Variants in PKNOX2 observed in about 807,000 individuals in gnomAD.
PKNOX2 encodes the protein homeobox protein PKNOX2.
In PKNOX2, 14 loss-of-function variants were observed where a neutral mutation model predicts 53.1. That is an observed-to-expected ratio of 0.26 (90% CI 0.17 to 0.41). The LOEUF (loss-of-function observed/expected upper bound fraction) is 0.41. PKNOX2 is among the 10% of genes least tolerant of loss of function. The pLI, the probability that PKNOX2 is intolerant of heterozygous loss-of-function variation, is 1.00. For missense variants in PKNOX2, 496 were observed against 602.8 expected, an observed-to-expected ratio of 0.82 and a Z score of 1.85; for synonymous variants, 257 against 242.8, an observed-to-expected ratio of 1.06 and a Z score of -0.54.
chr11:125,275,934 T>G (rs185445102), intron 2 of PKNOX2, among the ~76,000 whole-genome samples: 2 of 151,850 alleles, frequency 1.3e-5, no homozygotes, highest in Admixed American at 6.6e-5. Flanking sequence ...AAAGATCACA[T>G]AGGGAGAGAG....
chr11:125,378,539 C>G (rs923447238), intron 5 of PKNOX2, among the ~76,000 whole-genome samples: 2 of 152,192 alleles, frequency 1.3e-5, no homozygotes, highest in African/African-American at 4.8e-5. Flanking sequence ...CTCTTCCCAC[C>G]CCCAAGAGGG....
At chr11:125,429,394 A>G (rs1956585112) in intron 11 of PKNOX2, among the ~76,000 whole-genome samples, 1 of 152,206 alleles carries the variant, frequency 6.6e-6, no homozygotes, top group African/African-American at 2.4e-5. Flanking sequence ...CTTCAGAGAC[A>G]GACAGGATTG....
intron 1 of PKNOX2, 106 bp from the exon 2 acceptor site, chr11:125,234,938 CT>C: frequency 6.5e-6 from 1 of 152,830 alleles, no homozygotes; most frequent in Non-Finnish European, 1.5e-5. Flanking sequence ...CAGCCCTGGC[CT>C]TTTTCCTGAG....
At chr11:125,378,510 G>A (rs948010752) in intron 5 of PKNOX2, among the ~76,000 whole-genome samples, 2 of 152,196 alleles carry the variant, frequency 1.3e-5, no homozygotes, top group African/African-American at 4.8e-5. Flanking sequence ...GATGGGGTGG[G>A]CACTGACCCT....
At chr11:125,270,630 A>T (rs1945722347) in intron 2 of PKNOX2, among the ~76,000 whole-genome samples, 1 of 152,162 alleles carries the variant, frequency 6.6e-6, no homozygotes, top group African/African-American at 2.4e-5. Flanking sequence ...ACTCGAAAAA[A>T]AATTGATTTT....
intron 2 of PKNOX2, among the ~76,000 whole-genome samples, chr11:125,266,243 A>C (rs1400405769): frequency 6.6e-6 from 1 of 152,156 alleles, no homozygotes; most frequent in Non-Finnish European, 1.5e-5. Flanking sequence ...ATTTTAGGAG[A>C]GAGAAAACTG....
At chr11:125,178,192 C>T (rs12790049) in intron 1 of PKNOX2, among the ~76,000 whole-genome samples, 56,356 of 151,812 alleles carry the variant, frequency 0.37, 11,266 homozygotes, top group African/African-American at 0.52. Context: ...TTACCTAAGG[C>T]CACACAGGAA....
intron 10 of PKNOX2, among the ~76,000 whole-genome samples, chr11:125,416,626 C>T (rs1259123465): frequency 6.6e-6 from 1 of 152,078 alleles, no homozygotes; most frequent in Non-Finnish European, 1.5e-5. Flanking sequence ...TGCTGACTTT[C>T]AGATAAGCAG....
intron 3 of PKNOX2, among the ~76,000 whole-genome samples, chr11:125,346,184 G>C (rs548654112): frequency 7.2e-5 from 11 of 151,954 alleles, no homozygotes; most frequent in African/African-American, 2.4e-4. Flanking sequence ...GGACGGCTTG[G>C]GGGTGGGGGT....
chr11:125,385,541 G>A lies in PKNOX2; in HGVS notation c.228-10G>A. 2 of 1,602,560 alleles carry A rather than the reference G, an allele frequency of 1.2e-6. No individual in the cohort carries two copies. Among genetic ancestry groups the A allele is most frequent in the Non-Finnish European group, 1.7e-6 (2 of 1,175,692 alleles). ...GTGTGCGCATGTGTGAGCTCTTGAT[G>A]TCCCTGCAGGCACCCTCTTTTCCCG... On this transcript the variant is annotated splice_polypyrimidine_tract_variant and intron_variant, in intron 5 of 12. Coordinates refer to ENST00000298282, the MANE Select transcript of PKNOX2 (RefSeq NM_001382323.2).
At chr11:125,407,434 T>C (rs536821078) in intron 7 of PKNOX2, among the ~76,000 whole-genome samples, 99 of 152,346 alleles carry the variant, frequency 6.5e-4, no homozygotes, top group African/African-American at 2.2e-3. Flanking sequence ...CTAACCTTGT[T>C]GGGTACTTTT....
At chr11:125,208,354 G>A (rs907342316) in intron 1 of PKNOX2, among the ~76,000 whole-genome samples, 1 of 152,074 alleles carries the variant, frequency 6.6e-6, no homozygotes, top group Non-Finnish European at 1.5e-5. Context: ...TGTCTTGGGA[G>A]GTTTTCTATG....
intron 2 of PKNOX2, among the ~76,000 whole-genome samples, chr11:125,260,203 T>C (rs923364806): frequency 1.3e-5 from 2 of 151,776 alleles, no homozygotes; most frequent in African/African-American, 4.8e-5. Context: ...GGTTTGTTTG[T>C]CTGCTTGTTT....
intron 2 of PKNOX2, among the ~76,000 whole-genome samples, chr11:125,259,352 C>T (rs73619500): frequency 0.023 from 3,466 of 152,258 alleles, 127 homozygotes; most frequent in African/African-American, 0.078. Context: ...AAGGTAATCC[C>T]TAAGATTCCT....
rs1565477078 is a variant in PKNOX2, at chr11:125,240,616, C to A, written c.-130+5501C>A. On this transcript the variant is annotated intron_variant, in intron 2 of 12. Transcript: ENST00000298282. The surrounding 1 kb of genome is among the most constrained non-coding windows in gnomAD (Gnocchi z 4.3). The stretch of plus-strand genomic sequence containing the variant: ...ATCCACTGAAATGCAGTTCTAAATC[C>A]TTGTCCAGCCTGAAAGGATTTCCCT... Among the ~76,000 whole-genome samples the A allele has an allele frequency of 6.6e-6, 1 of 152,138 alleles. No individual in the cohort carries two copies. Among genetic ancestry groups the A allele is most frequent in the East Asian group, 1.9e-4 (1 of 5,178 alleles).
intron 5 of PKNOX2, among the ~76,000 whole-genome samples, chr11:125,382,393 G>C (rs376546357): frequency 6.6e-6 from 1 of 152,240 alleles, no homozygotes; most frequent in Non-Finnish European, 1.5e-5. Context: ...AGGAATGTGC[G>C]GTGACCGCAG....
At chr11:125,228,472 C>T (rs1333268568) in intron 1 of PKNOX2, among the ~76,000 whole-genome samples, 1 of 152,168 alleles carries the variant, frequency 6.6e-6, no homozygotes, top group Non-Finnish European at 1.5e-5. Context: ...AGGTGTCTTG[C>T]TTTCTGGCCC....
At chr11:125,317,304 C>T (rs949118679) in intron 2 of PKNOX2, among the ~76,000 whole-genome samples, 1 of 152,270 alleles carries the variant, frequency 6.6e-6, no homozygotes, top group African/African-American at 2.4e-5. Flanking sequence ...ATATTTTGAC[C>T]TCCTCCCATG....
chr11:125,222,613 A>G (rs12796874), intron 1 of PKNOX2, among the ~76,000 whole-genome samples: 45 of 99,358 alleles, frequency 4.5e-4, no homozygotes, highest in African/African-American at 1.7e-3. Flanking sequence ...GTCTGTGTGT[A>G]TGTGTGTGTA....
Sources: gnomAD v4.1 joint callset for allele counts (sites outside exome capture counted in the v4.1 genomes callset) on GRCh38, gnomAD v4.1.1 for gene constraint, Gnocchi (gnomAD v3.1) non-coding constraint, MANE v1.5 for transcripts, NCBI Gene and HGNC (gene_info 2026-07-23, HGNC 2026-07-21) for gene names.